MYH11: variants seen among roughly 807,000 people sequenced by gnomAD.
The protein encoded by MYH11 is myosin-11.
Under a neutral mutation model 246.6 loss-of-function variants are expected in MYH11, and 80 were observed. That is an observed-to-expected ratio of 0.32 (90% CI 0.27 to 0.39). The LOEUF is 0.39. Ranked by LOEUF, MYH11 falls within the 10% of genes least tolerant of loss-of-function variation. MYH11 has a pLI of 1.00. For synonymous variants in MYH11, 1,071 were observed against 1,015.5 expected, an observed-to-expected ratio of 1.05 and a Z score of -1.04; for missense variants, 2,158 against 2,546.8, an observed-to-expected ratio of 0.85 and a Z score of 3.29.
chr16:15,705,841 C>T (rs367651003), intron 40 of MYH11, among the ~76,000 whole-genome samples: 2 of 151,752 alleles, frequency 1.3e-5, no homozygotes, highest in Non-Finnish European at 2.9e-5. Flanking sequence ...ATTAGCCGGG[C>T]GTGCTGGCGG....
At position 15,747,744 on chromosome 16, in the gene MYH11, G is replaced by C; in HGVS notation, c.2251-14C>G. On this transcript the variant is annotated splice_polypyrimidine_tract_variant and intron_variant, in intron 18 of 40. Coordinates refer to ENST00000300036, the MANE Select transcript of MYH11 (RefSeq NM_002474.3). ...CAGGGCTTTGATCTGCAAAAGGAAG[G>C]AAAGGAAGAGCTCCTGATTTCCACT... 6.2e-7 allele frequency: 1 copy of C among 1,613,972 alleles called. No individual in the cohort carries two copies. Among genetic ancestry groups the C allele is most frequent in the Non-Finnish European group, 8.5e-7 (1 of 1,180,016 alleles).
chr16:15,745,855 G>A (rs150446056), intron 19 of MYH11, among the ~76,000 whole-genome samples: 114 of 151,504 alleles, frequency 7.5e-4, no homozygotes, highest in African/African-American at 2.6e-3. Context: ...CCAAAGTGCT[G>A]GGATTACAGG....
chr16:15,785,530 C>T (rs2042448862), intron 5 of MYH11: 1 of 151,800 alleles, frequency 6.6e-6, no homozygotes, highest in Non-Finnish European at 1.5e-5. Flanking sequence ...CAGCGCCCAT[C>T]CTAGATCTCC....
chr16:15,801,471 C>T (rs563749535), intron 3 of MYH11, among the ~76,000 whole-genome samples: 3 of 151,900 alleles, frequency 2.0e-5, no homozygotes, highest in South Asian at 2.1e-4. Flanking sequence ...GCCTGGACAA[C>T]ATAGCAAGAC....
In MYH11 at chr16:15,763,653, A is replaced by G. The variant is rs2041916144; in HGVS notation, c.1129+143T>C. ...AGGGTCTTGAGCACTGAAAAGTTTG[A>G]AAAAGTGAGTGATAAGAACCTAGTC... On this transcript the variant is annotated intron_variant, in intron 10 of 40. Coordinates refer to ENST00000300036, the MANE Select transcript of MYH11 (RefSeq NM_002474.3). 4 of 756,310 alleles carry G rather than the reference A, an allele frequency of 5.3e-6. No homozygotes were observed. In the South Asian group the frequency reaches 6.0e-5, roughly 11 times the overall value. 46.8% of individuals were successfully genotyped at this position (756,310 alleles called of 1,614,324 possible).
intron 3 of MYH11, among the ~76,000 whole-genome samples, chr16:15,821,911 C>A (rs550207642): frequency 0.021 from 2,299 of 108,706 alleles, 271 homozygotes; most frequent in African/African-American, 0.078. Context: ...GGCGACAGAG[C>A]GAGACTCCGT....
Position 15,720,799 on chromosome 16 carries a change from C to T in MYH11, c.4791+40G>A, listed in dbSNP as rs944756565. The T allele has an allele frequency of 3.7e-6, 6 of 1,603,974 alleles. No homozygotes were observed. The African/African-American group carries it at 6.7e-5, about 18-fold the overall frequency. ...GAGTGGTGATAGGAATGAAAAAGGC[C>T]ACCCGACCTCCCTCTGCTGGCCTCC... On this transcript the variant is annotated intron_variant, in intron 33 of 40. Coordinates refer to ENST00000300036, the MANE Select transcript of MYH11 (RefSeq NM_002474.3).
At chr16:15,733,395 G>A (rs1467572374) in intron 26 of MYH11, among the ~76,000 whole-genome samples, 3 of 151,902 alleles carry the variant, frequency 2.0e-5, no homozygotes, top group East Asian at 1.9e-4. Flanking sequence ...CACCACGCCC[G>A]GCTAATTTTA....
intron 28 of MYH11, 25 bp downstream of exon 28, chr16:15,726,813 GCACTGCCCAC>G (rs1282410882): frequency 1.9e-6 from 3 of 1,608,686 alleles, no homozygotes; most frequent in Non-Finnish European, 2.5e-6. Context: ...GCACCACCCA[GCACTGCCCAC>G]CACACCACCG....
chr16:15,737,750 G>GTC lies in MYH11; in HGVS notation c.3122-132_3122-131dup, dbSNP rs2041163324. 5.4e-6 allele frequency: 5 copies of GTC among 923,846 alleles called. No homozygotes were observed. The South Asian group carries it at 7.0e-5, about 13-fold the overall frequency. The allele number at this position is 923,846 out of a possible 1,614,324, so 57.2% of individuals were successfully genotyped here. Reference sequence around the variant, plus strand: ...CCAATCAGTAACCATCATAGTCACGGTCTGGACCATTATCTCCCGATGAAC... The same window carrying GTC: ...CCAATCAGTAACCATCATAGTCACGGTCTCTGGACCATTATCTCCCGATGAAC... On this transcript the variant is annotated intron_variant, in intron 24 of 40. Coordinates refer to ENST00000300036, the MANE Select transcript of MYH11 (RefSeq NM_002474.3).
chr16:15,747,556 G>A lies in MYH11; in HGVS notation c.2411+14C>T. ...TCGCGTTTGAGGTATTAGGATGCAG[G>A]AAAGCATCTTTACTTTCTGGCCAAG... On this transcript the variant is annotated intron_variant, in intron 19 of 40. Transcript: ENST00000300036. 1 of 1,614,134 alleles carries A rather than the reference G, an allele frequency of 6.2e-7. No individual in the cohort carries two copies.
chr16:15,852,882 G>C (rs141055346), intron 1 of MYH11, among the ~76,000 whole-genome samples: 1 of 152,060 alleles, frequency 6.6e-6, no homozygotes, highest in African/African-American at 2.4e-5. Flanking sequence ...TTAGAATCCC[G>C]ATCTGTTTGA....
At chr16:15,779,898 T>C (rs1255430158) in intron 6 of MYH11, among the ~76,000 whole-genome samples, 1 of 152,202 alleles carries the variant, frequency 6.6e-6, no homozygotes. Flanking sequence ...CATAACATGG[T>C]GGGAAGTGTT....
At chr16:15,784,207 G>A (rs1240395995) in intron 5 of MYH11, among the ~76,000 whole-genome samples, 1 of 152,088 alleles carries the variant, frequency 6.6e-6, no homozygotes, top group Non-Finnish European at 1.5e-5. Flanking sequence ...ACACACTGGT[G>A]CACCAGGGAC....
intron 1 of MYH11, among the ~76,000 whole-genome samples, chr16:15,839,028 G>A (rs778305207): frequency 2.0e-5 from 3 of 151,948 alleles, no homozygotes; most frequent in Admixed American, 6.6e-5. Flanking sequence ...AAGCAACATG[G>A]CAAAACCTTG....
intron 2 of MYH11, among the ~76,000 whole-genome samples, chr16:15,834,307 A>G (rs2151377949): frequency 6.6e-6 from 1 of 152,214 alleles, no homozygotes; most frequent in African/African-American, 2.4e-5. Context: ...CAAGTGGATC[A>G]CCTGAGGTCA....
In MYH11 at chr16:15,757,987, T is replaced by A; in HGVS notation, c.1415A>T (p.Glu472Val). The change falls in exon 13 of 41, where the codon GAG (glutamate) becomes GTG (valine). Residue 472 changes from glutamate to valine, a missense_variant. Around this residue, in one of 11 missense-constraint regions of MYH11, gnomAD observed 317 missense variants for 507.7 expected, o/e 0.62. Coordinates refer to ENST00000300036, the MANE Select transcript of MYH11 (RefSeq NM_002474.3). ...GTTGGTGTAGTTGATGCACAGCTGC[T>A]CGAAGGAGTTCACCTGAGCACATGG... The part of the protein sequence containing the change: ...GFEIFEVNSF[E>V]QLCINYTNEK... 6.2e-7 allele frequency: 1 copy of A among 1,613,922 alleles called. No individual in the cohort carries two copies. Among genetic ancestry groups the A allele is most frequent in the Non-Finnish European group, 8.5e-7 (1 of 1,180,030 alleles).
At chr16:15,803,465 CG>C (rs1567186575) in intron 3 of MYH11, among the ~76,000 whole-genome samples, 1 of 151,734 alleles carries the variant, frequency 6.6e-6, no homozygotes, top group African/African-American at 2.4e-5. Context: ...TTTGTAGAGA[CG>C]GGGTTTCACC....
At chr16:15,745,295 G>C in intron 19 of MYH11, 58 bp from the exon 20 acceptor site, 2 of 1,272,380 alleles carry the variant, frequency 1.6e-6, no homozygotes, top group South Asian at 1.2e-5. Context: ...GCTGTCAACA[G>C]AGCCCTGCCC....
Sources: allele counts gnomAD v4.1 joint callset (sites outside exome capture counted in the v4.1 genomes callset), GRCh38; gene constraint gnomAD v4.1.1; regional missense constraint gnomAD v4.1.1; transcripts MANE v1.5; gene names NCBI Gene and HGNC (gene_info 2026-07-23, HGNC 2026-07-21).